LEMD1: variants seen among roughly 807,000 people sequenced by gnomAD.
The protein encoded by LEMD1 is LEM domain-containing protein 1.
LEMD1 carries 18 observed loss-of-function variants against 17.4 expected under a neutral mutation model. The ratio of observed to expected loss-of-function variants is 1.04; its 90% confidence interval spans 0.72 to 1.54. The LOEUF (loss-of-function observed/expected upper bound fraction) is 1.54, where lower values mean the gene tolerates loss of function less well. LEMD1 is among the 40% of genes most tolerant of loss of function. The probability of loss-of-function intolerance (pLI) is 0.00; values close to 1 mark genes in which losing one functional copy is unlikely to be tolerated. For synonymous variants in LEMD1, 88 were observed against 77.8 expected, an observed-to-expected ratio of 1.13 and a Z score of -0.69; for missense variants, 195 against 210.4, an observed-to-expected ratio of 0.93 and a Z score of 0.45.
chr1:205,399,133 C>T (rs971055598), intron 4 of LEMD1, among the ~76,000 whole-genome samples: 16 of 151,364 alleles, frequency 1.1e-4, no homozygotes, highest in African/African-American at 3.6e-4. Flanking sequence ...GAGAATTACT[C>T]GAATCCAGGA....
chr1:205,405,030 C>G lies in LEMD1; in HGVS notation c.270+11202G>C, dbSNP rs557633368. On this transcript the variant is annotated intron_variant, in intron 4 of 5. Transcript: ENST00000367153. The stretch of plus-strand genomic sequence containing the variant: ...TCTTTAAGAATGTTGAATATTGGCC[C>G]CCACTCTCTTCTGGCTTGTAAGAGT... Among the ~76,000 whole-genome samples the G allele has an allele frequency of 6.6e-4, 101 of 152,196 alleles. 1 individual carries two copies. Among genetic ancestry groups the G allele is most frequent in the Non-Finnish European group, 1.1e-3 (75 of 68,014 alleles).
intron 1 of LEMD1, among the ~76,000 whole-genome samples, chr1:205,443,482 C>G (rs529022115): frequency 1.3e-5 from 2 of 152,242 alleles, no homozygotes; most frequent in African/African-American, 4.8e-5. Flanking sequence ...GAACCAGAAC[C>G]TACACATCAG....
intron 1 of LEMD1, among the ~76,000 whole-genome samples, chr1:205,433,582 G>A (rs1207532987): frequency 6.6e-6 from 1 of 152,190 alleles, no homozygotes; most frequent in East Asian, 1.9e-4. Flanking sequence ...AATATTGATA[G>A]AACAGATTCA....
intron 4 of LEMD1, among the ~76,000 whole-genome samples, chr1:205,402,678 T>C (rs1279969863): frequency 4.6e-5 from 7 of 151,926 alleles, no homozygotes; most frequent in African/African-American, 1.7e-4. Context: ...TTTTCCTAAT[T>C]GAATACCCTT....
chr1:205,410,748 C>T (rs1665351337), intron 4 of LEMD1, among the ~76,000 whole-genome samples: 10 of 152,054 alleles, frequency 6.6e-5, no homozygotes, highest in Admixed American at 6.6e-4. Context: ...TGCCTGTAGT[C>T]CCAGCTACTT....
At chr1:205,437,448 C>T (rs917974150) in intron 1 of LEMD1, 1 of 152,220 alleles carries the variant, frequency 6.6e-6, no homozygotes, top group Admixed American at 6.5e-5. Flanking sequence ...TTGGGCCTGG[C>T]TGTAGGAGGG....
intron 4 of LEMD1, among the ~76,000 whole-genome samples, chr1:205,404,211 A>G (rs145292242): frequency 0.31 from 46,692 of 151,940 alleles, 7,513 homozygotes; most frequent in African/African-American, 0.38. Flanking sequence ...ATAGATGTCT[A>G]TTAGGTCTGC....
At chr1:205,391,212 T>C (rs551153508) in intron 4 of LEMD1, among the ~76,000 whole-genome samples, 2 of 152,226 alleles carry the variant, frequency 1.3e-5, no homozygotes, top group East Asian at 3.9e-4. Context: ...GTAGATGTAC[T>C]TCTCTCAATT....
rs1386350642 is a variant in LEMD1 at position 205,402,892 on chromosome 1, T to C, written c.270+13340A>G. ...TACATCCCATCAATACCTAATTTATTGAAAGTTTTTAGCATGAAGGGTTGT... is the reference window on the plus strand; with the variant it reads ...TACATCCCATCAATACCTAATTTATCGAAAGTTTTTAGCATGAAGGGTTGT... On this transcript the variant is annotated intron_variant, in intron 4 of 5. Transcript: ENST00000367153. Among the ~76,000 whole-genome samples, 16 of 152,212 alleles carry C rather than the reference T, an allele frequency of 1.1e-4. No homozygotes were observed. The South Asian group carries it at 3.1e-3, about 30-fold the overall frequency.
At chr1:205,432,550 G>C (rs1366332140) in intron 1 of LEMD1, among the ~76,000 whole-genome samples, 2 of 152,260 alleles carry the variant, frequency 1.3e-5, no homozygotes, top group Admixed American at 1.3e-4. Flanking sequence ...TCAGATGTCA[G>C]ACTTTGGAGA....
intron 1 of LEMD1, among the ~76,000 whole-genome samples, chr1:205,446,931 C>T (rs570316874): frequency 1.3e-5 from 2 of 152,330 alleles, no homozygotes; most frequent in South Asian, 2.1e-4. Context: ...TCTGATCCCC[C>T]CGCTCCCCCC....
chr1:205,413,864 G>A (rs1191629518), intron 4 of LEMD1, among the ~76,000 whole-genome samples: 7 of 151,978 alleles, frequency 4.6e-5, no homozygotes, highest in Non-Finnish European at 1.0e-4. Context: ...ATGTTAGCCA[G>A]ACTGGTCTCG....
At chr1:205,405,815 T>C (rs1272386467) in intron 4 of LEMD1, among the ~76,000 whole-genome samples, 1 of 150,388 alleles carries the variant, frequency 6.6e-6, no homozygotes, top group Non-Finnish European at 1.5e-5. Context: ...GCTCTGTTTT[T>C]TTCCCCATCT....
chr1:205,392,489 C>A (rs898305361), intron 4 of LEMD1, among the ~76,000 whole-genome samples: 1 of 151,772 alleles, frequency 6.6e-6, no homozygotes, highest in African/African-American at 2.4e-5. Context: ...TTACAGTGAA[C>A]CATGATTGTG....
intron 1 of LEMD1, among the ~76,000 whole-genome samples, chr1:205,446,402 T>C (rs1333456830): frequency 6.6e-6 from 1 of 152,196 alleles, no homozygotes; most frequent in Non-Finnish European, 1.5e-5. Context: ...TTCTCCCAGT[T>C]CGTACTTCAT....
chr1:205,413,436 G>T (rs1051261794), intron 4 of LEMD1, among the ~76,000 whole-genome samples: 1 of 150,866 alleles, frequency 6.6e-6, no homozygotes, highest in Admixed American at 6.6e-5. Context: ...CCACAGGTGC[G>T]CATCACCATG....
In LEMD1 at chr1:205,389,037, C is replaced by CTTT. The variant is rs61341380; in HGVS notation, c.271-4676_271-4674dup. On this transcript the variant is annotated intron_variant, in intron 4 of 5. Coordinates refer to ENST00000367153, the MANE Select transcript of LEMD1 (RefSeq NM_001199050.2). ...AATCACCAAAAAGTACATTTGCTTT[C>CTTT]TTTTTTTTTTTTTTTTTTTTTTTTT... Among the ~76,000 whole-genome samples, 762 of 77,812 alleles carry CTTT rather than the reference C, an allele frequency of 9.8e-3. 87 individuals are homozygous for CTTT. The highest frequency in any genetic ancestry group is 0.013 in the South Asian group (19 of 1,474). 51.0% of individuals were successfully genotyped at this position (77,812 alleles called of 152,430 possible).
rs533616160 is a variant in LEMD1, at chr1:205,396,496, A to T, written c.271-12132T>A. On this transcript the variant is annotated intron_variant, in intron 4 of 5. Coordinates refer to ENST00000367153, the MANE Select transcript of LEMD1 (RefSeq NM_001199050.2). The stretch of plus-strand genomic sequence containing the variant: ...ACATATAAACACTGGGTCCTGTACC[A>T]CAAAGTTTGTAACAGCATTGTTTGT... Among the ~76,000 whole-genome samples the T allele has an allele frequency of 6.6e-5, 10 of 152,352 alleles. 1 individual carries two copies. The highest frequency in any genetic ancestry group is 1.9e-4 in the African/African-American group (8 of 41,586).
At chr1:205,400,689 T>G (rs1480142731) in intron 4 of LEMD1, among the ~76,000 whole-genome samples, 1 of 152,148 alleles carries the variant, frequency 6.6e-6, no homozygotes, top group African/African-American at 2.4e-5. Flanking sequence ...TTTTTGTCTT[T>G]TTTTTTCCTT....
Sources: gnomAD v4.1 joint callset for allele counts (sites outside exome capture counted in the v4.1 genomes callset) on GRCh38, gnomAD v4.1.1 for gene constraint, MANE v1.5 for transcripts, NCBI Gene and HGNC (gene_info 2026-07-23, HGNC 2026-07-21) for gene names.